Variants in STIM2 observed in about 807,000 individuals in gnomAD.
STIM2 encodes the protein stromal interaction molecule 2.
In STIM2, 31 loss-of-function variants were observed where a neutral mutation model predicts 85.8. That is an observed-to-expected ratio of 0.36 (90% confidence interval 0.27 to 0.49). The LOEUF is 0.49. Among genes scored for constraint, STIM2 ranks in the 20% least tolerant of loss-of-function variants. The pLI, the probability that STIM2 is intolerant of heterozygous loss-of-function variation, is 0.98. For synonymous variants in STIM2, 356 were observed against 331.1 expected, an observed-to-expected ratio of 1.08 and a Z score of -0.82; for missense variants, 841 against 927.6, an observed-to-expected ratio of 0.91 and a Z score of 1.21.
chr4:27,019,415 C>A lies in STIM2; in HGVS notation c.1763+1431C>A, dbSNP rs1312158489. 3.9e-6 allele frequency: 5 copies of A among 1,289,676 alleles called. No individual in the cohort carries two copies. In the South Asian group the frequency reaches 6.2e-5, roughly 16 times the overall value. 79.9% of individuals were successfully genotyped at this position (1,289,676 alleles called of 1,614,324 possible). A position where few individuals can be genotyped will look rare whatever the true frequency, so the allele number is the denominator to read the frequency against. The stretch of plus-strand genomic sequence containing the variant: ...GTCTTTGCAGTATGATCATAGTCAC[C>A]AGCAAGATGCCTTTACTGACAGAAC... On this transcript the variant is annotated intron_variant, in intron 11 of 11. Transcript: ENST00000467087.
At chr4:26,879,712 A>T (rs1006339707) in intron 1 of STIM2, among the ~76,000 whole-genome samples, 3 of 152,194 alleles carry the variant, frequency 2.0e-5, no homozygotes, top group Non-Finnish European at 4.4e-5. Context: ...CATCTCATGG[A>T]TACTTCATAA....
intron 8 of STIM2, chr4:27,008,038 T>C: frequency 1.4e-6 from 1 of 713,872 alleles, no homozygotes. Flanking sequence ...ACTTTGACAC[T>C]TAAATTGTGT....
At chr4:26,970,299 C>A (rs1726898427) in intron 3 of STIM2, among the ~76,000 whole-genome samples, 1 of 149,992 alleles carries the variant, frequency 6.7e-6, no homozygotes, top group African/African-American at 2.5e-5. Flanking sequence ...GCACAACGTG[C>A]AGTTTTGATA....
chr4:26,966,596 A>G (rs1726730396), intron 3 of STIM2, among the ~76,000 whole-genome samples: 1 of 152,160 alleles, frequency 6.6e-6, no homozygotes, highest in African/African-American at 2.4e-5. Context: ...TAAATTACAA[A>G]TATTAATACA....
At chr4:26,916,540 A>T (rs991283723) in intron 1 of STIM2, among the ~76,000 whole-genome samples, 1 of 152,076 alleles carries the variant, frequency 6.6e-6, no homozygotes, top group Admixed American at 6.6e-5. Context: ...AATGAATCTG[A>T]TTGTGTTATT....
intron 1 of STIM2, among the ~76,000 whole-genome samples, chr4:26,906,807 A>G (rs1724143370): frequency 6.6e-6 from 1 of 152,090 alleles, no homozygotes; most frequent in Non-Finnish European, 1.5e-5. Context: ...TCTACTAAAA[A>G]TACAAAAAAA....
intron 3 of STIM2, among the ~76,000 whole-genome samples, chr4:26,990,727 C>CA (rs1013500790): frequency 1.2e-4 from 18 of 152,044 alleles, no homozygotes; most frequent in Admixed American, 9.8e-4. Flanking sequence ...ATAAGGAACT[C>CA]AAACAGCTCA....
intron 2 of STIM2, among the ~76,000 whole-genome samples, chr4:26,937,384 G>T (rs1418762399): frequency 6.6e-6 from 1 of 152,058 alleles, no homozygotes; most frequent in Non-Finnish European, 1.5e-5. Flanking sequence ...GGTACTGCCA[G>T]TGCTGCCATC....
At chr4:26,987,462 T>C (rs559000404) in intron 3 of STIM2, among the ~76,000 whole-genome samples, 2 of 152,234 alleles carry the variant, frequency 1.3e-5, no homozygotes, top group East Asian at 3.9e-4. Context: ...TCCACAAATG[T>C]ATAGTCCCGC....
intron 5 of STIM2, among the ~76,000 whole-genome samples, chr4:27,000,744 TAGTC>T (rs1302630175): frequency 2.0e-5 from 3 of 152,142 alleles, no homozygotes; most frequent in Non-Finnish European, 4.4e-5. Flanking sequence ...ATGTGCCCCA[TAGTC>T]AGAACACTTA....
At chr4:26,919,838 C>T (rs1724731083) in intron 2 of STIM2, among the ~76,000 whole-genome samples, 1 of 152,104 alleles carries the variant, frequency 6.6e-6, no homozygotes, top group Non-Finnish European at 1.5e-5. Flanking sequence ...TATAAGTCTT[C>T]CCAGTTGTAT....
At chr4:26,939,161 T>C (rs114375193) in intron 2 of STIM2, among the ~76,000 whole-genome samples, 22 of 152,212 alleles carry the variant, frequency 1.4e-4, no homozygotes, top group African/African-American at 5.3e-4. Context: ...CTTTAGTACT[T>C]TTTCCCTGTC....
chr4:26,989,385 T>C (rs1452206668), intron 3 of STIM2, among the ~76,000 whole-genome samples: 1 of 152,190 alleles, frequency 6.6e-6, no homozygotes, highest in Non-Finnish European at 1.5e-5. Flanking sequence ...CAATAGATGC[T>C]AAAAAGCATT....
chr4:26,999,261 T>A lies in STIM2; in HGVS notation c.539T>A (p.Ile180Asn). 1.2e-6 allele frequency: 2 copies of A among 1,609,234 alleles called. No individual in the cohort carries two copies. The highest frequency in any genetic ancestry group is 1.7e-6 in the Non-Finnish European group (2 of 1,177,632). ...GCAGTGCACGAACCTTCATTTATGA[T>A]CTCCCAGTTGAAAATCAGTGACCGG... The change falls in exon 5 of 12, where the codon ATC becomes AAC. Residue 180 changes from isoleucine (I) to asparagine (N), a missense_variant. Coordinates refer to ENST00000467087, the MANE Select transcript of STIM2 (RefSeq NM_020860.4).
At chr4:26,893,355 T>G (rs1723568061) in intron 1 of STIM2, among the ~76,000 whole-genome samples, 2 of 152,222 alleles carry the variant, frequency 1.3e-5, no homozygotes, top group South Asian at 4.1e-4. Context: ...TTACAATTTG[T>G]GTATGTTTAC....
At chr4:26,894,150 G>C (rs1388139934) in intron 1 of STIM2, among the ~76,000 whole-genome samples, 1 of 152,166 alleles carries the variant, frequency 6.6e-6, no homozygotes, top group Non-Finnish European at 1.5e-5. Flanking sequence ...GCCTCCCAAA[G>C]TGCTGGGATT....
chr4:26,860,958 A>T lies in STIM2; in HGVS notation c.-261A>T. The T allele has an allele frequency of 8.1e-7, 1 of 1,240,542 alleles. No individual in the cohort carries two copies. The highest frequency in any genetic ancestry group is 1.0e-6 in the Non-Finnish European group (1 of 980,626). 76.8% of individuals were successfully genotyped at this position (1,240,542 alleles called of 1,614,324 possible). On this transcript the variant is annotated 5_prime_UTR_variant, in exon 1 of 12. The change abolishes an upstream ATG in the 5' untranslated region. Coordinates refer to ENST00000467087, the MANE Select transcript of STIM2 (RefSeq NM_020860.4). ...TTTTTTTTTTAAATAACCGGAACCA[A>T]TGAACGCAGCCGGGATCAGAGCTCC...
rs1433603784 is a variant in STIM2, at chr4:27,002,402, C to A, written c.803+8C>A. 2.5e-6 allele frequency: 4 copies of A among 1,580,262 alleles called. No homozygotes were observed. The East Asian group carries it at 6.8e-5, about 27-fold the overall frequency. On this transcript the variant is annotated splice_region_variant and intron_variant, in intron 6 of 11. Coordinates refer to ENST00000467087, the MANE Select transcript of STIM2 (RefSeq NM_020860.4). ...AATGGACTTACAGGAGAGGTAAGTT[C>A]AGAAAAATCATAACTCATTTATGTA...
At chr4:26,882,552 G>A (rs1412978934) in intron 1 of STIM2, among the ~76,000 whole-genome samples, 1 of 151,768 alleles carries the variant, frequency 6.6e-6, no homozygotes, top group Non-Finnish European at 1.5e-5. Flanking sequence ...CTGCCTCCCA[G>A]GCTCAAGTGA....
Sources: gnomAD v4.1 joint callset for allele counts (sites outside exome capture counted in the v4.1 genomes callset) on GRCh38, gnomAD v4.1.1 for gene constraint, MANE v1.5 for transcripts, NCBI Gene and HGNC (gene_info 2026-07-23, HGNC 2026-07-21) for gene names.